APCDD1L: variants seen among roughly 807,000 people sequenced by gnomAD.
APCDD1L encodes the protein APC down-regulated 1 like.
A neutral mutation model predicts 24.2 loss-of-function variants in APCDD1L; 21 were observed. That is an observed-to-expected ratio of 0.87 (90% CI 0.61 to 1.25). The LOEUF (loss-of-function observed/expected upper bound fraction) is 1.25. APCDD1L is among the 50% of genes most tolerant of loss of function. The pLI, the probability that APCDD1L is intolerant of heterozygous loss-of-function variation, is 0.00. For synonymous variants in APCDD1L, 321 were observed against 323.6 expected (o/e 0.99, Z 0.09); for missense variants, 704 against 711.7 (o/e 0.99, Z 0.12).
chr20:58,495,701 G>T (rs1369213844), intron 1 of APCDD1L, among the ~76,000 whole-genome samples: 1 of 152,190 alleles, frequency 6.6e-6, no homozygotes, highest in Admixed American at 6.5e-5. Context: ...AAGGGGTGAG[G>T]TGGGTTGAGA....
rs1270108560 is a variant in APCDD1L, at chr20:58,461,020, G to T, written c.1276C>A (p.Leu426Ile). ...MEQDPLGQSL[L>I]FIGQRPTDGS... ...TCGGTGGGCCTTTGTCCGATGAAGA[G>T]CAGGCTTTGCCCGAGGGGGTCTTGT... Residue 426 changes from leucine to isoleucine, a missense_variant, in exon 4 of 4, where the codon CTC (leucine) becomes ATC (isoleucine). Leu to Ile is a conservative substitution (Grantham distance 5). Transcript: ENST00000371149. This position sits in a 1 kb window ranked among gnomAD's most constrained non-coding sequence, Gnocchi z 6.0. 2.5e-5 allele frequency: 41 copies of T among 1,614,006 alleles called. No homozygotes were observed. Among genetic ancestry groups the T allele is most frequent in the Non-Finnish European group, 3.5e-5 (41 of 1,180,014 alleles).
At chr20:58,469,665 T>C (rs1989775358) in intron 2 of APCDD1L, among the ~76,000 whole-genome samples, 1 of 152,190 alleles carries the variant, frequency 6.6e-6, no homozygotes, top group African/African-American at 2.4e-5. Flanking sequence ...GTGGGGGCTG[T>C]GTGCAGCCTG....
intron 1 of APCDD1L, among the ~76,000 whole-genome samples, chr20:58,504,428 C>A (rs1312961268): frequency 6.6e-6 from 1 of 152,202 alleles, no homozygotes; most frequent in Non-Finnish European, 1.5e-5. Context: ...CATCAGGTGG[C>A]AGTCTTCCCA....
chr20:58,481,393 A>T (rs1042251353), intron 1 of APCDD1L, among the ~76,000 whole-genome samples: 1 of 152,204 alleles, frequency 6.6e-6, no homozygotes, highest in Non-Finnish European at 1.5e-5. Context: ...GAACCCAGAA[A>T]GGGTGCCTGA....
intron 1 of APCDD1L, among the ~76,000 whole-genome samples, chr20:58,473,001 T>C (rs1799308841): frequency 6.6e-6 from 1 of 152,204 alleles, no homozygotes; most frequent in Admixed American, 6.5e-5. Flanking sequence ...ATTCTGCAGG[T>C]TAATTTGAAC....
chr20:58,484,153 T>C (rs1293762411), intron 1 of APCDD1L, among the ~76,000 whole-genome samples: 2 of 152,176 alleles, frequency 1.3e-5, no homozygotes, highest in Non-Finnish European at 2.9e-5. Flanking sequence ...CAGGGAGATG[T>C]GTGAGATAGA....
chr20:58,497,340 G>A lies in APCDD1L; in HGVS notation c.49+17319C>T, dbSNP rs1029309995. ...CTCCCTGGGGGAGTCTCCCTGCCAT[G>A]GGGAGAGGGCCCACTAGGAGGCCCA... is the stretch of plus-strand genomic sequence containing the variant. On this transcript the variant is annotated intron_variant, in intron 1 of 3. Transcript: ENST00000371149. The surrounding 1 kb of genome is among the most constrained non-coding windows in gnomAD (Gnocchi z 4.3). 6.6e-6 allele frequency among the ~76,000 whole-genome samples: 1 copy of A among 152,112 alleles called. No homozygotes were observed. The highest frequency in any genetic ancestry group is 1.5e-5 in the Non-Finnish European group (1 of 68,000).
At chr20:58,503,508 G>A (rs1375189917) in intron 1 of APCDD1L, among the ~76,000 whole-genome samples, 1 of 152,200 alleles carries the variant, frequency 6.6e-6, no homozygotes, top group Non-Finnish European at 1.5e-5. Context: ...ATGGCCACTG[G>A]TAATTCCAGG....
At chr20:58,511,723 G>T (rs1225653838) in intron 1 of APCDD1L, among the ~76,000 whole-genome samples, 1 of 152,056 alleles carries the variant, frequency 6.6e-6, no homozygotes, top group Non-Finnish European at 1.5e-5. Flanking sequence ...TTAGATTTTT[G>T]GATGAGTGTA....
In APCDD1L at chr20:58,495,140, T is replaced by C. The variant is rs558327357; in HGVS notation, c.49+19519A>G. On this transcript the variant is annotated intron_variant, in intron 1 of 3. Coordinates refer to ENST00000371149, the MANE Select transcript of APCDD1L (RefSeq NM_153360.3). ...AAAGGGAGGGCTGAGGACACCTCTG[T>C]CTCCCTCAACTTGTCGTCTGCCAAC... Among the ~76,000 whole-genome samples the C allele has an allele frequency of 1.9e-3, 285 of 152,256 alleles. 2 individuals carry two copies. The highest frequency in any genetic ancestry group is 6.4e-3 in the African/African-American group (267 of 41,536).
chr20:58,472,782 G>A (rs1989835644), intron 1 of APCDD1L, among the ~76,000 whole-genome samples: 2 of 152,232 alleles, frequency 1.3e-5, no homozygotes, highest in Non-Finnish European at 2.9e-5. Flanking sequence ...GAGAGAGGCC[G>A]TGGTTGTTTT....
chr20:58,469,916 C>T (rs1399497760), intron 2 of APCDD1L, among the ~76,000 whole-genome samples: 1 of 152,216 alleles, frequency 6.6e-6, no homozygotes, highest in African/African-American at 2.4e-5. Context: ...GATCCCTGCC[C>T]CAGGAGTGGG....
At chr20:58,510,912 G>A (rs899460833) in intron 1 of APCDD1L, among the ~76,000 whole-genome samples, 1 of 152,202 alleles carries the variant, frequency 6.6e-6, no homozygotes, top group Admixed American at 6.5e-5. Flanking sequence ...GCTAAGTGAC[G>A]TGTCCAAGCT....
intron 2 of APCDD1L, among the ~76,000 whole-genome samples, chr20:58,469,014 C>T (rs1012301752): frequency 2.6e-5 from 4 of 152,188 alleles, no homozygotes; most frequent in African/African-American, 9.7e-5. Flanking sequence ...TAATGCCAAC[C>T]TCCCTGTTCT....
chr20:58,478,873 C>G (rs112538777), intron 1 of APCDD1L, among the ~76,000 whole-genome samples: 33 of 151,994 alleles, frequency 2.2e-4, no homozygotes, highest in African/African-American at 7.7e-4. Context: ...CAGGCTGATC[C>G]AAGCAGGTAG....
At chr20:58,490,183 T>C (rs1990198066) in intron 1 of APCDD1L, among the ~76,000 whole-genome samples, 1 of 152,236 alleles carries the variant, frequency 6.6e-6, no homozygotes, top group Admixed American at 6.5e-5. Context: ...GAAAGTTTCT[T>C]TTTCAGCTTA....
At chr20:58,507,957 A>G (rs1293052167) in intron 1 of APCDD1L, among the ~76,000 whole-genome samples, 7 of 152,262 alleles carry the variant, frequency 4.6e-5, no homozygotes, top group Non-Finnish European at 8.8e-5. Flanking sequence ...TGCCACTGGC[A>G]TGATTTTTAA....
intron 1 of APCDD1L, among the ~76,000 whole-genome samples, chr20:58,471,284 G>C (rs1989807732): frequency 6.6e-6 from 1 of 152,172 alleles, no homozygotes; most frequent in Non-Finnish European, 1.5e-5. Context: ...CAGGCCCCTC[G>C]AGGCCACTCG....
intron 2 of APCDD1L, among the ~76,000 whole-genome samples, chr20:58,470,203 C>T (rs1989784006): frequency 6.6e-6 from 1 of 152,232 alleles, no homozygotes; most frequent in African/African-American, 2.4e-5. Flanking sequence ...AGAAGCCTCC[C>T]CTGATCACTC....
Sources: gnomAD v4.1 joint callset for allele counts (sites outside exome capture counted in the v4.1 genomes callset) on GRCh38, gnomAD v4.1.1 for gene constraint, Gnocchi (gnomAD v3.1) non-coding constraint, MANE v1.5 for transcripts, NCBI Gene and HGNC (gene_info 2026-07-23, HGNC 2026-07-21) for gene names.